The following SUZ12 variants were observed in gnomAD, a reference collection of about 807,000 sequenced individuals.
SUZ12 encodes the protein polycomb protein SUZ12.
In SUZ12, 17 loss-of-function variants were observed where a neutral mutation model predicts 87.3. That is an observed-to-expected ratio of 0.19 (90% CI 0.13 to 0.29). The LOEUF is 0.29. Ranked by LOEUF, SUZ12 falls within the 10% of genes least tolerant of loss-of-function variation. The pLI, the probability that SUZ12 is intolerant of heterozygous loss-of-function variation, is 1.00. For missense variants in SUZ12, 526 were observed against 912.2 expected, an observed-to-expected ratio of 0.58 and a Z score of 5.45; for synonymous variants, 253 against 312.4, an observed-to-expected ratio of 0.81 and a Z score of 2.01.
At chr17:31,965,345 A>G (rs1156258929) in intron 4 of SUZ12, among the ~76,000 whole-genome samples, 1 of 152,190 alleles carries the variant, frequency 6.6e-6, no homozygotes, top group Non-Finnish European at 1.5e-5. Flanking sequence ...CTCCTGATCA[A>G]CAACTGTATT....
intron 10 of SUZ12, among the ~76,000 whole-genome samples, chr17:31,989,224 C>T (rs974741729): frequency 6.6e-6 from 1 of 151,944 alleles, no homozygotes; most frequent in Non-Finnish European, 1.5e-5. Flanking sequence ...CTGCTGGCCT[C>T]TATGTGATTA....
chr17:31,962,740 C>T (rs1907812146), intron 4 of SUZ12, among the ~76,000 whole-genome samples: 1 of 152,176 alleles, frequency 6.6e-6, no homozygotes, highest in Admixed American at 6.5e-5. Context: ...ATATGTAAGG[C>T]TTTCGTAGAA....
chr17:31,993,714 C>A, intron 11 of SUZ12, 151 bp from the exon 12 acceptor site: 1 of 810,210 alleles, frequency 1.2e-6, no homozygotes, highest in South Asian at 1.9e-5. Flanking sequence ...CGTGAGTGAC[C>A]TCGCGTCACT....
chr17:31,990,276 C>T (rs2428341), intron 10 of SUZ12, among the ~76,000 whole-genome samples: 35,918 of 149,802 alleles, frequency 0.24, 5,784 homozygotes, highest in African/African-American at 0.46. Flanking sequence ...CCCAGACTAA[C>T]TTTTTTTGTA....
chr17:31,938,841 C>T (rs760401749), intron 1 of SUZ12, among the ~76,000 whole-genome samples: 1 of 152,168 alleles, frequency 6.6e-6, no homozygotes, highest in African/African-American at 2.4e-5. Context: ...TATTTGCGTT[C>T]TGATGAGTCG....
chr17:31,950,741 A>G lies in SUZ12; in HGVS notation c.455+3056A>G, dbSNP rs1199696256. On this transcript the variant is annotated intron_variant, in intron 4 of 15. Coordinates refer to ENST00000322652, the MANE Select transcript of SUZ12 (RefSeq NM_015355.4). ...CCATAACATTAGTTAGTAGAAGTTA[A>G]TATCTTAAATCGTACACAAAAGTAT... Among the ~76,000 whole-genome samples the G allele has an allele frequency of 2.6e-5, 4 of 152,206 alleles. 1 individual carries two copies. Among genetic ancestry groups the G allele is most frequent in the East Asian group, 1.9e-4 (1 of 5,180 alleles).
At chr17:31,993,787 T>C in intron 11 of SUZ12, 78 bp from the exon 12 acceptor site, 1 of 1,401,308 alleles carries the variant, frequency 7.1e-7, no homozygotes. Context: ...TTTAAACTAT[T>C]TTTAGAAGTG....
Position 31,975,521 on chromosome 17 carries a change from A to G in SUZ12, c.631A>G (p.Lys211Glu), listed in dbSNP as rs1908690560. 2 of 1,613,822 alleles carry G rather than the reference A, an allele frequency of 1.2e-6. No individual in the cohort carries two copies. The highest frequency in any genetic ancestry group is 1.7e-6 in the Non-Finnish European group (2 of 1,179,796). The change falls in exon 7 of 16, where the codon AAG (lysine) becomes GAG (glutamate). Residue 211 changes from lysine (K) to glutamate (E), a missense_variant. By Grantham distance (56) the Lys-to-Glu change is moderately conservative (BLOSUM62 1). Transcript: ENST00000322652. ...CPIRQVPTGK[K>E]QVPLNPDLNQ... ...AATAAGGCAAGTTCCCACAGGTAAA[A>G]AGCAGGTGCCTTTGAATCCTGACCT...
At chr17:31,950,901 C>T (rs1339817653) in intron 4 of SUZ12, among the ~76,000 whole-genome samples, 1 of 152,044 alleles carries the variant, frequency 6.6e-6, no homozygotes, top group East Asian at 1.9e-4. Context: ...CTGCCTCAGC[C>T]TCCCGAGTAG....
At chr17:31,948,873 T>C (rs1274980924) in intron 4 of SUZ12, among the ~76,000 whole-genome samples, 1 of 152,202 alleles carries the variant, frequency 6.6e-6, no homozygotes, top group Non-Finnish European at 1.5e-5. Context: ...ATATTCGCAG[T>C]GCACGCACAT....
At chr17:31,944,650 G>A (rs1489367302) in intron 3 of SUZ12, among the ~76,000 whole-genome samples, 1 of 152,048 alleles carries the variant, frequency 6.6e-6, no homozygotes, top group Non-Finnish European at 1.5e-5. Context: ...GTCCCACCTA[G>A]TTTAGTTCCT....
At chr17:31,939,586 C>T (rs540726884) in intron 1 of SUZ12, among the ~76,000 whole-genome samples, 3 of 151,466 alleles carry the variant, frequency 2.0e-5, no homozygotes, top group African/African-American at 7.3e-5. Flanking sequence ...TACAATGACG[C>T]GATCTCGGCT....
At chr17:31,968,008 CTG>C (rs1908199247) in intron 5 of SUZ12, among the ~76,000 whole-genome samples, 1 of 152,094 alleles carries the variant, frequency 6.6e-6, no homozygotes, top group African/African-American at 2.4e-5. Context: ...AAAAGATTAA[CTG>C]GGCACAGTGG....
At chr17:31,971,892 A>G (rs1211329051) in intron 5 of SUZ12, among the ~76,000 whole-genome samples, 1 of 152,126 alleles carries the variant, frequency 6.6e-6, no homozygotes. Context: ...AAAATGGGAG[A>G]ATCACTTGAG....
intron 6 of SUZ12, 88 bp from the exon 7 acceptor site, chr17:31,975,394 G>C (rs1908684201): frequency 1.1e-6 from 1 of 913,522 alleles, no homozygotes; most frequent in Admixed American, 3.3e-5. Context: ...TATCTCCCGT[G>C]TTTCCTATAG....
Position 31,937,420 on chromosome 17 carries a change from C to T in SUZ12, c.174C>T (p.Ser58=), listed in dbSNP as rs1242912955. Residue 58 remains serine, a synonymous_variant, in exon 1 of 16, where the codon TCC becomes TCT. Coordinates refer to ENST00000322652, the MANE Select transcript of SUZ12 (RefSeq NM_015355.4). ...GGGSYSASSS[S]SAAAAAGAAV... ...GCAGTTACTCGGCCTCCTCCTCCTC[C>T]TCCGCGGCGGCAGCGGCGGGGGCTG... 3.9e-6 allele frequency: 6 copies of T among 1,543,262 alleles called. No individual in the cohort carries two copies. In the Admixed American group the frequency reaches 9.9e-5, roughly 25 times the overall value.
intron 4 of SUZ12, among the ~76,000 whole-genome samples, chr17:31,950,906 GAGTAGCTGGGACTAC>G (rs1433568082): frequency 6.6e-6 from 1 of 151,808 alleles, no homozygotes; most frequent in Non-Finnish European, 1.5e-5. Flanking sequence ...TCAGCCTCCC[GAGTAGCTGGGACTAC>G]AGGCGCCCGC....
chr17:31,956,160 G>C (rs563357662), intron 4 of SUZ12, among the ~76,000 whole-genome samples: 1 of 150,812 alleles, frequency 6.6e-6, no homozygotes, highest in African/African-American at 2.4e-5. Flanking sequence ...TGATCTGTCC[G>C]CCTCGGCCTC....
chr17:31,968,765 A>G (rs116000731), intron 5 of SUZ12, among the ~76,000 whole-genome samples: 4,633 of 152,158 alleles, frequency 0.03, 251 homozygotes, highest in African/African-American at 0.11. Context: ...TTAATTCTTC[A>G]GAAACTTATA....
Sources: gnomAD v4.1 joint callset for allele counts (sites outside exome capture counted in the v4.1 genomes callset) on GRCh38, gnomAD v4.1.1 for gene constraint, MANE v1.5 for transcripts, NCBI Gene and HGNC (gene_info 2026-07-23, HGNC 2026-07-21) for gene names.